The following TONSL variants were observed in gnomAD, a reference collection of about 807,000 sequenced individuals.
TONSL encodes the protein tonsoku-like protein.
In TONSL, 112 loss-of-function variants were observed where a neutral mutation model predicts 147.1. The ratio of observed to expected loss-of-function variants is 0.76; its 90% CI spans 0.65 to 0.89. The LOEUF is 0.89. Among genes scored for constraint, TONSL ranks in the 40% least tolerant of loss-of-function variants. The probability of loss-of-function intolerance (pLI) is 0.00; values close to 1 mark genes in which losing one functional copy is unlikely to be tolerated. For synonymous variants in TONSL, 868 were observed against 801.5 expected (o/e 1.08, Z -1.40); for missense variants, 1,883 against 1,864.6 (o/e 1.01, Z -0.18).
In TONSL at chr8:144,444,213, A is replaced by G; in HGVS notation, c.88T>C (p.Cys30Arg). Reference protein sequence around the residue: ...AGQRREEAALCHQLGELLAGH... With the variant: ...AGQRREEAALRHQLGELLAGH... ...GCCAGGAGCTCCCCCAGCTGGTGGC[A>G]CAGCGCGGCCTCTTCGCGCCGCTGC... is the stretch of plus-strand genomic sequence containing the variant. Residue 30 changes from cysteine (C) to arginine (R), a missense_variant, in exon 2 of 26, where the codon TGC (cysteine) becomes CGC (arginine). Transcript: ENST00000409379. 1 of 1,458,412 alleles carries G rather than the reference A, an allele frequency of 6.9e-7. No homozygotes were observed. Among genetic ancestry groups the G allele is most frequent in the Non-Finnish European group, 9.0e-7 (1 of 1,108,888 alleles). The allele number at this position is 1,458,412 out of a possible 1,614,324, so 90.3% of individuals were successfully genotyped here.
Position 144,440,819 on chromosome 8 carries a change from G to A in TONSL, c.1063C>T (p.His355Tyr), listed in dbSNP as rs1293024470. The change falls in exon 9 of 26, where the codon CAC (histidine) becomes TAC (tyrosine). Residue 355 changes from histidine to tyrosine, a missense_variant. Physicochemically the swap from His to Tyr is moderately conservative, Grantham distance 83. Transcript: ENST00000409379. ...CCCAGTGTGGTGGCCAGGGACACGT[G>A]GATGATGGCCCGCTCAGCACCCGGT... Reference protein sequence around the residue: ...DRPGAERAIIHVSLATTLGDM... With the variant: ...DRPGAERAIIYVSLATTLGDM... 1.2e-6 allele frequency: 2 copies of A among 1,612,834 alleles called. No individual in the cohort carries two copies. The highest frequency in any genetic ancestry group is 1.7e-6 in the Non-Finnish European group (2 of 1,179,972).
Position 144,434,147 on chromosome 8 carries a change from C to T in TONSL, c.3218G>A (p.Arg1073Gln), listed in dbSNP as rs782382088. The change falls in exon 21 of 26, where the codon CGG becomes CAG. Residue 1073 changes from arginine to glutamine, a missense_variant. Physicochemically the swap from Arg to Gln is conservative, Grantham distance 43. Coordinates refer to ENST00000409379, the MANE Select transcript of TONSL (RefSeq NM_013432.5). ...CCGGTTCCCTGCCAGGCGCAGCTCCCGGAGTGCTGTGTGCAGCTTGAGGGC... is the reference window on the plus strand; with the variant it reads ...CCGGTTCCCTGCCAGGCGCAGCTCCTGGAGTGCTGTGTGCAGCTTGAGGGC... ...LRALKLHTAL[R>Q]ELRLAGNRLG... 17 of 1,611,314 alleles carry T rather than the reference C, an allele frequency of 1.1e-5. No individual in the cohort carries two copies. Among genetic ancestry groups the T allele is most frequent in the African/African-American group, 2.7e-5 (2 of 75,034 alleles).
In TONSL at chr8:144,442,155, G is replaced by A. The variant is rs770224986; in HGVS notation, c.751-4C>T. 3.7e-6 allele frequency: 6 copies of A among 1,610,174 alleles called. No individual in the cohort carries two copies. In the South Asian group the frequency reaches 4.4e-5, roughly 12 times the overall value. ...AGTCTCCCAGGTCTTGGAGGACCTG[G>A]AGAGCAAAGGACAGCAAAGGTTTTG... On this transcript the variant is annotated splice_region_variant and splice_polypyrimidine_tract_variant and intron_variant, in intron 6 of 25. Transcript: ENST00000409379.
intron 25 of TONSL, among the ~76,000 whole-genome samples, chr8:144,430,014 G>A (rs547542510): frequency 4.6e-5 from 7 of 152,284 alleles, no homozygotes; most frequent in African/African-American, 1.4e-4. Flanking sequence ...ACAGCCCTGG[G>A]CAGGGTTGTG....
intron 5 of TONSL, 91 bp downstream of exon 5, chr8:144,442,582 GCTCT>G: frequency 6.6e-7 from 1 of 1,522,126 alleles, no homozygotes; most frequent in Non-Finnish European, 8.8e-7. Context: ...CAGCCAGACT[GCTCT>G]CTCAGGAGGA....
Position 144,434,890 on chromosome 8 carries a change from C to T in TONSL, c.3007-1G>A. 2 of 1,613,364 alleles carry T rather than the reference C, an allele frequency of 1.2e-6. No homozygotes were observed. The highest frequency in any genetic ancestry group is 1.7e-6 in the Non-Finnish European group (2 of 1,179,948). Reference sequence around the variant, plus strand: ...CCCACGAAGTCACCTCAGCCAACACCTGGAAGGCACCGTCATGAGCCACCT... The same window carrying T: ...CCCACGAAGTCACCTCAGCCAACACTTGGAAGGCACCGTCATGAGCCACCT... On this transcript the variant is annotated splice_acceptor_variant, in intron 19 of 25. Transcript: ENST00000409379. LOFTEE classifies it high-confidence loss of function.
intron 9 of TONSL, 33 bp from the exon 10 acceptor site, chr8:144,440,509 G>T: frequency 6.4e-7 from 1 of 1,563,432 alleles, no homozygotes. Context: ...GTCGGGGGCT[G>T]CCGCTGTCTG....
Position 144,442,816 on chromosome 8 carries a change from A to G in TONSL, c.449-10T>C. On this transcript the variant is annotated splice_polypyrimidine_tract_variant and intron_variant, in intron 4 of 25. Coordinates refer to ENST00000409379, the MANE Select transcript of TONSL (RefSeq NM_013432.5). ...CCCTGGGCCAGTGTCCCTGGAAGAT[A>G]CCCCCCCAAACACTCAGCCACTTCC... The G allele has an allele frequency of 1.9e-6, 3 of 1,603,380 alleles. No individual in the cohort carries two copies. The highest frequency in any genetic ancestry group is 1.3e-5 in the African/African-American group (1 of 74,510).
At chr8:144,442,568 G>A (rs1586697399) in intron 5 of TONSL, 109 bp downstream of exon 5, 1 of 1,511,652 alleles carries the variant, frequency 6.6e-7, no homozygotes, top group Non-Finnish European at 8.9e-7. Flanking sequence ...GGGGGGATGA[G>A]GCCCAGCCAG....
chr8:144,442,815 T>C lies in TONSL; in HGVS notation c.449-9A>G, dbSNP rs555131923. ...TCCCTGGGCCAGTGTCCCTGGAAGA[T>C]ACCCCCCCAAACACTCAGCCACTTC... On this transcript the variant is annotated splice_polypyrimidine_tract_variant and intron_variant, in intron 4 of 25. Transcript: ENST00000409379. 5 of 1,608,390 alleles carry C rather than the reference T, an allele frequency of 3.1e-6. No individual in the cohort carries two copies. Among genetic ancestry groups the C allele is most frequent in the Non-Finnish European group, 4.2e-6 (5 of 1,177,372 alleles).
rs1208821970 is a variant in TONSL at position 144,429,286 on chromosome 8, C to G, written c.3994G>C (p.Ala1332Pro). 1.3e-6 allele frequency: 2 copies of G among 1,510,774 alleles called. No individual in the cohort carries two copies. Among genetic ancestry groups the G allele is most frequent in the African/African-American group, 1.4e-5 (1 of 71,172 alleles). The allele number at this position is 1,510,774 out of a possible 1,614,324, so 93.6% of individuals were successfully genotyped here. The change falls in exon 26 of 26, where the codon GCG becomes CCG. Residue 1332 changes from alanine (A) to proline (P), a missense_variant. Ala to Pro is a conservative substitution (Grantham distance 27). Transcript: ENST00000409379. ...LGLGLWDKIAAQLRELQLCSR... is the reference protein window; with the variant it reads ...LGLGLWDKIAPQLRELQLCSR... ...CACAGCTGCAGTTCCCGGAGCTGCG[C>G]GGCTATCTTGTCCCACAGGCCCAGG...
intron 8 of TONSL, 33 bp downstream of exon 8, chr8:144,440,933 G>T (rs1823694017): frequency 4.3e-6 from 7 of 1,612,758 alleles, no homozygotes; most frequent in Non-Finnish European, 5.9e-6. Flanking sequence ...AACCTCACTG[G>T]CCCTTCCCTC....
At position 144,440,190 on chromosome 8, in the gene TONSL, G is replaced by A; in HGVS notation, c.1311C>T (p.Leu437=). The A allele has an allele frequency of 1.2e-6, 2 of 1,602,408 alleles. No homozygotes were observed. The highest frequency in any genetic ancestry group is 1.1e-5 in the South Asian group (1 of 90,188). Reference sequence around the variant, plus strand: ...GCTGCAGCCTCAGCTGCACGGTATGGAGATGCTGCAAGACCTGCCTCTGAG... The same window carrying A: ...GCTGCAGCCTCAGCTGCACGGTATGAAGATGCTGCAAGACCTGCCTCTGAG... ...PQLQRQVLQH[L]HTVQLRLQPQ... is the part of the protein sequence containing the mutation. Residue 437 remains leucine (L), a synonymous_variant, in exon 11 of 26, where the codon CTC becomes CTT. Coordinates refer to ENST00000409379, the MANE Select transcript of TONSL (RefSeq NM_013432.5).
At position 144,435,709 on chromosome 8, in the gene TONSL, G is replaced by A. The variant is rs146461135; in HGVS notation, c.2724C>T (p.Thr908=). ...LASEPPGSPS[T]PRVSEPSGDS... ...CCCCACTGGGCTCTGAGACCCTGGG[G>A]GTGCTGGGGCTCCCTGGAGGTTCTG... Residue 908 remains threonine (T), a synonymous_variant, in exon 17 of 26, where the codon ACC becomes ACT. Transcript: ENST00000409379. The A allele has an allele frequency of 1.9e-6, 3 of 1,611,890 alleles. No individual in the cohort carries two copies. The Admixed American group carries it at 5.0e-5, about 27-fold the overall frequency.
In TONSL at chr8:144,438,677, G is replaced by A; in HGVS notation, c.1539C>T (p.His513=). Residue 513 remains histidine, a synonymous_variant, in exon 12 of 26, where the codon CAC becomes CAT. Transcript: ENST00000409379. Reference sequence around the variant, plus strand: ...CCTTGCTCCCCTTCCGCCGGCCCAGGTGGCCCTGAAGCTCCTCGTCCTCCT... The same window carrying A: ...CCTTGCTCCCCTTCCGCCGGCCCAGATGGCCCTGAAGCTCCTCGTCCTCCT... ...QLEEDEELQG[H]LGRRKGSKWN... is the part of the protein sequence containing the mutation. 1 of 1,613,286 alleles carries A rather than the reference G, an allele frequency of 6.2e-7. No individual in the cohort carries two copies. The highest frequency in any genetic ancestry group is 1.1e-5 in the South Asian group (1 of 91,086).
Position 144,430,393 on chromosome 8 carries a change from C to A in TONSL, c.3943+11G>T, listed in dbSNP as rs1554878379. ...GAACATGGCAGGCGTGGCCACCATA[C>A]CAGCACTCACCTGACAGGCCAAGGA... On this transcript the variant is annotated intron_variant, in intron 25 of 25. Coordinates refer to ENST00000409379, the MANE Select transcript of TONSL (RefSeq NM_013432.5). 1 of 1,596,244 alleles carries A rather than the reference C, an allele frequency of 6.3e-7. No homozygotes were observed. The highest frequency in any genetic ancestry group is 1.7e-5 in the Admixed American group (1 of 57,210).
intron 22 of TONSL, 58 bp from the exon 23 acceptor site, chr8:144,432,518 A>G: frequency 6.9e-7 from 1 of 1,447,816 alleles, no homozygotes; most frequent in Non-Finnish European, 9.1e-7. Context: ...ACCCACCCCA[A>G]GTTCTGGGCC....
rs1156959918 is a variant in TONSL, at chr8:144,434,117, C to T, written c.3248G>A (p.Gly1083Glu). Residue 1083 changes from glycine to glutamate, a missense_variant, in exon 21 of 26, where the codon GGG becomes GAG. Coordinates refer to ENST00000409379, the MANE Select transcript of TONSL (RefSeq NM_013432.5). Reference protein sequence around the residue: ...RELRLAGNRLGDKCVAELVAA... With the variant: ...RELRLAGNRLEDKCVAELVAA... ...CACCAGCTCAGCCACACACTTGTCC[C>T]CCAGCCGGTTCCCTGCCAGGCGCAG... 4.7e-5 allele frequency: 76 copies of T among 1,612,224 alleles called. No homozygotes were observed. The highest frequency in any genetic ancestry group is 6.4e-5 in the Non-Finnish European group (75 of 1,179,636).
chr8:144,436,590 T>A lies in TONSL; in HGVS notation c.1982A>T (p.Glu661Val). Reference sequence around the variant, plus strand: ...CGAGGCAGCCGCCTGGAGCAGCATCTCCATGGCCCTGGCCTTCTGCCGCGT... The same window carrying A: ...CGAGGCAGCCGCCTGGAGCAGCATCACCATGGCCCTGGCCTTCTGCCGCGT... The part of the protein sequence containing the change: ...LETRQKARAM[E>V]MLLQAAASGQ... The change falls in exon 16 of 26, where the codon GAG becomes GTG. Residue 661 changes from glutamate (E) to valine (V), a missense_variant. Physicochemically the swap from Glu to Val is moderately radical, Grantham distance 121. Coordinates refer to ENST00000409379, the MANE Select transcript of TONSL (RefSeq NM_013432.5). 1 of 1,611,420 alleles carries A rather than the reference T, an allele frequency of 6.2e-7. No homozygotes were observed. The highest frequency in any genetic ancestry group is 8.5e-7 in the Non-Finnish European group (1 of 1,179,914).
Sources: gnomAD v4.1 joint callset for allele counts (sites outside exome capture counted in the v4.1 genomes callset) on GRCh38, gnomAD v4.1.1 for gene constraint, MANE v1.5 for transcripts, NCBI Gene and HGNC (gene_info 2026-07-23, HGNC 2026-07-21) for gene names.